The following APOL3 variants were observed in gnomAD, a reference collection of about 807,000 sequenced individuals.
APOL3 encodes TNF-inducible protein CG12-1.
A neutral mutation model predicts 11.6 loss-of-function variants in APOL3; 14 were observed. That is an observed-to-expected ratio of 1.21 (90% confidence interval 0.80 to 1.89). The LOEUF (loss-of-function observed/expected upper bound fraction) is 1.89, where lower values mean the gene tolerates loss of function less well. APOL3 is among the 40% of genes most tolerant of loss of function. APOL3 has a pLI of 0.00. For synonymous variants in APOL3, 192 were observed against 190.6 expected (o/e 1.01, Z -0.06); for missense variants, 483 against 492.1 (o/e 0.98, Z 0.17).
chr22:36,142,880 C>T (rs2060051334), intron 2 of APOL3, among the ~76,000 whole-genome samples: 1 of 152,228 alleles, frequency 6.6e-6, no homozygotes, highest in Admixed American at 6.5e-5. Flanking sequence ...CCCAGTTCAG[C>T]AAGAATCCCC....
chr22:36,153,624 G>T (rs1011411749), intron 1 of APOL3, among the ~76,000 whole-genome samples: 3 of 152,230 alleles, frequency 2.0e-5, no homozygotes, highest in Non-Finnish European at 4.4e-5. Context: ...TGTTACCCCA[G>T]AAAGCAAGGA....
chr22:36,152,887 T>A (rs2012020110), intron 1 of APOL3, among the ~76,000 whole-genome samples: 2 of 152,182 alleles, frequency 1.3e-5, no homozygotes, highest in Non-Finnish European at 2.9e-5. Context: ...GGTGGGTGGA[T>A]CACCTGAGGT....
chr22:36,145,619 A>C lies in APOL3; in HGVS notation c.224-20T>G. The C allele has an allele frequency of 6.2e-7, 1 of 1,612,462 alleles. No homozygotes were observed. Among genetic ancestry groups the C allele is most frequent in the South Asian group, 1.1e-5 (1 of 90,906 alleles). On this transcript the variant is annotated intron_variant, in intron 1 of 2. Transcript: ENST00000349314. ...TCTTTTCTACTTGGAAACAAAAAGC[A>C]TAAGATTGGAAGAAAGTGTGCTACA...
chr22:36,151,826 G>A (rs915820161), intron 1 of APOL3, among the ~76,000 whole-genome samples: 1 of 152,160 alleles, frequency 6.6e-6, no homozygotes, highest in Non-Finnish European at 1.5e-5. Flanking sequence ...GGTGATGCAT[G>A]CCTCTAGTCC....
rs1331319157 is a variant in APOL3, at chr22:36,141,893, G to T, written c.516C>A (p.Ala172=). Residue 172 remains alanine (A), a synonymous_variant, in exon 3 of 3, where the codon GCC becomes GCA. Transcript: ENST00000349314. ...GGACCTCTTCAATACCATTTGCAAG[G>T]GCACGAAGCTTTTCTATGGACTCCT... The T allele has an allele frequency of 1.9e-6, 3 of 1,614,188 alleles. No homozygotes were observed. The Admixed American group carries it at 5.0e-5, about 27-fold the overall frequency.
In APOL3 at chr22:36,141,025, A is replaced by G. The variant is rs1375023605; in HGVS notation, c.*175T>C. On this transcript the variant is annotated 3_prime_UTR_variant, in exon 3 of 3. Transcript: ENST00000349314. The stretch of plus-strand genomic sequence containing the variant: ...AGCATTCCTGCCTTCTCCTTGGTGC[A>G]CTTGCCATCTGCATTAACCCCTCCC... The G allele has an allele frequency of 4.6e-6, 4 of 870,130 alleles. No homozygotes were observed. The Admixed American group carries it at 7.4e-5, about 16-fold the overall frequency. The allele number at this position is 870,130 out of a possible 1,614,324, so 53.9% of individuals were successfully genotyped here.
intron 1 of APOL3, 66 bp from the exon 2 acceptor site, chr22:36,149,208 G>A (rs2060336526): frequency 7.6e-7 from 1 of 1,316,798 alleles, no homozygotes; most frequent in Non-Finnish European, 1.0e-6. Flanking sequence ...GGAGGTTGGA[G>A]GGGCTGGATC....
Position 36,145,569 on chromosome 22 carries a change from T to C in APOL3, c.254A>G (p.Lys85Arg), listed in dbSNP as rs766463347. The change falls in exon 2 of 3, where the codon AAA (lysine) becomes AGA (arginine). Residue 85 changes from lysine to arginine, a missense_variant. Coordinates refer to ENST00000349314, the Ensembl canonical transcript of APOL3. ...TGGGCTGACTCTCTCCCGGAAGTATTTGGTGGCCTCTTCAGTAAAGCGTTT... is the reference window on the plus strand; with the variant it reads ...TGGGCTGACTCTCTCCCGGAAGTATCTGGTGGCCTCTTCAGTAAAGCGTTT... 13 of 1,613,878 alleles carry C rather than the reference T, an allele frequency of 8.1e-6. No individual in the cohort carries two copies. In the East Asian group the frequency reaches 2.7e-4, roughly 33 times the overall value.
intron 1 of APOL3, among the ~76,000 whole-genome samples, chr22:36,147,048 G>A (rs895350566): frequency 6.6e-6 from 1 of 152,128 alleles, no homozygotes; most frequent in Non-Finnish European, 1.5e-5. Flanking sequence ...CCAGCAAGCA[G>A]GAAGCTCAGG....
chr22:36,153,659 T>C (rs187546325), intron 1 of APOL3, among the ~76,000 whole-genome samples: 21 of 152,304 alleles, frequency 1.4e-4, no homozygotes, highest in African/African-American at 5.1e-4. Context: ...TTCAGAGCAG[T>C]GTTCAAAGGG....
chr22:36,149,669 T>G (rs2060357833), intron 1 of APOL3: 1 of 360,338 alleles, frequency 2.8e-6, no homozygotes, highest in Non-Finnish European at 5.4e-6. Flanking sequence ...CTTGCCATGT[T>G]TTCACAATAG....
chr22:36,152,803 T>C (rs550188487), intron 1 of APOL3, among the ~76,000 whole-genome samples: 1 of 152,126 alleles, frequency 6.6e-6, no homozygotes, highest in East Asian at 1.9e-4. Flanking sequence ...GTAAAGAAAA[T>C]GATTTACTCC....
At chr22:36,143,935 T>G (rs533492878) in intron 2 of APOL3, among the ~76,000 whole-genome samples, 2 of 152,226 alleles carry the variant, frequency 1.3e-5, no homozygotes, top group Non-Finnish European at 2.9e-5. Flanking sequence ...TTCTCTTTGG[T>G]TGGGGACTTG....
At chr22:36,163,723 A>G (rs2013790180), upstream of APOL3, among the ~76,000 whole-genome samples, 1 of 152,238 alleles carries the variant, frequency 6.6e-6, no homozygotes, top group Non-Finnish European at 1.5e-5. Context: ...GGTAATGGTC[A>G]AGGATATTGG....
chr22:36,164,217 GT>G (rs1161111638), upstream of APOL3, among the ~76,000 whole-genome samples: 5 of 152,252 alleles, frequency 3.3e-5, no homozygotes, highest in African/African-American at 1.2e-4. Flanking sequence ...TGTTGAATCT[GT>G]GTTTACACCT....
At chr22:36,163,247 T>C (rs1416026195), upstream of APOL3, among the ~76,000 whole-genome samples, 1 of 152,202 alleles carries the variant, frequency 6.6e-6, no homozygotes, top group African/African-American at 2.4e-5. Context: ...ATGCAATTTT[T>C]AAAATTACTG....
At chr22:36,144,698 G>T (rs1286517517) in intron 2 of APOL3, among the ~76,000 whole-genome samples, 1 of 152,148 alleles carries the variant, frequency 6.6e-6, no homozygotes, top group African/African-American at 2.4e-5. Context: ...AGAAAGTCCT[G>T]CTGGGCATCC....
intron 1 of APOL3, among the ~76,000 whole-genome samples, chr22:36,151,022 C>A (rs778976335): frequency 6.6e-6 from 1 of 152,186 alleles, no homozygotes; most frequent in African/African-American, 2.4e-5. Flanking sequence ...CACAGCAACA[C>A]CAAGAGCACA....
chr22:36,146,034 T>C (rs868143197), intron 1 of APOL3: 8,017 of 91,472 alleles, frequency 0.088, 731 homozygotes, highest in African/African-American at 0.25. Context: ...CACACACACA[T>C]ACACCCCCCA....
Sources: gnomAD v4.1 joint callset for allele counts (sites outside exome capture counted in the v4.1 genomes callset) on GRCh38, gnomAD v4.1.1 for gene constraint, MANE v1.5 for transcripts, NCBI Gene and HGNC (gene_info 2026-07-23, HGNC 2026-07-21) for gene names.